The following SHC3 variants were observed in gnomAD, a reference collection of about 807,000 sequenced individuals.
SHC3 encodes SHC-transforming protein 3.
SHC3 carries 15 observed loss-of-function variants against 60.4 expected under a neutral mutation model. That is an observed-to-expected ratio of 0.25 (90% CI 0.17 to 0.38). The LOEUF (loss-of-function observed/expected upper bound fraction) is 0.38, where lower values mean the gene tolerates loss of function less well. SHC3 is among the 10% of genes least tolerant of loss of function. The pLI is 1.00. For synonymous variants in SHC3, 294 were observed against 325.9 expected, an observed-to-expected ratio of 0.90 and a Z score of 1.05; for missense variants, 677 against 786.1, an observed-to-expected ratio of 0.86 and a Z score of 1.66.
intron 2 of SHC3, among the ~76,000 whole-genome samples, chr9:89,079,336 A>C (rs564194478): frequency 2.3e-4 from 35 of 152,342 alleles, no homozygotes; most frequent in African/African-American, 8.2e-4. Flanking sequence ...TTTTATGTTT[A>C]ATTTTTAGAA....
intron 2 of SHC3, among the ~76,000 whole-genome samples, chr9:89,089,593 T>G (rs1825587687): frequency 6.6e-6 from 1 of 152,174 alleles, no homozygotes; most frequent in South Asian, 2.1e-4. Flanking sequence ...GAGTGATCCT[T>G]CCCATTTGGG....
At chr9:89,161,528 C>A (rs1826706203) in intron 1 of SHC3, among the ~76,000 whole-genome samples, 1 of 152,188 alleles carries the variant, frequency 6.6e-6, no homozygotes, top group African/African-American at 2.4e-5. Context: ...AACACCCGTC[C>A]CACAATCCAT....
intron 1 of SHC3, among the ~76,000 whole-genome samples, chr9:89,160,841 GC>G (rs1826693726): frequency 6.6e-6 from 1 of 152,200 alleles, no homozygotes; most frequent in African/African-American, 2.4e-5. Flanking sequence ...TTTTGGGTGG[GC>G]TGTGGCATAC....
At position 89,102,382 on chromosome 9, in the gene SHC3, G is replaced by A. The variant is rs571063457; in HGVS notation, c.545+10174C>T. On this transcript the variant is annotated intron_variant, in intron 2 of 11. Coordinates refer to ENST00000375835, the MANE Select transcript of SHC3 (RefSeq NM_016848.6). ...ACTTATGAAAAAAACAGATGGTAAT[G>A]ACTCTGGATCAAGGAATGAGTCTGT... 1.1e-4 allele frequency among the ~76,000 whole-genome samples: 17 copies of A among 152,200 alleles called. 1 individual carries two copies. In the South Asian group the frequency reaches 3.5e-3, roughly 32 times the overall value.
At chr9:89,124,528 T>A (rs919929668) in intron 1 of SHC3, among the ~76,000 whole-genome samples, 3 of 152,188 alleles carry the variant, frequency 2.0e-5, no homozygotes, top group African/African-American at 7.2e-5. Context: ...TGAGTTTATG[T>A]CCTTTGCATG....
intron 2 of SHC3, 24 bp from the exon 3 acceptor site, chr9:89,077,927 T>C (rs1276375748): frequency 3.7e-5 from 60 of 1,613,844 alleles, no homozygotes; most frequent in Non-Finnish European, 4.8e-5. Flanking sequence ...GAAAAAGCAA[T>C]TTTATTACGT....
Position 89,052,044 on chromosome 9 carries a change from G to A in SHC3, c.955C>T (p.His319Tyr). Residue 319 changes from histidine to tyrosine, a missense_variant, in exon 7 of 12, where the codon CAT becomes TAT. By Grantham distance (83) the His-to-Tyr change is moderately conservative. Transcript: ENST00000375835. ...LQCPTKIPAL[H>Y]DRMQSLDEPW... ...TGTCACAGCACTACTCACCGATCAT[G>A]GAGAGCGGGAATCTTGGTAGGACAC... is the stretch of plus-strand genomic sequence containing the variant. The A allele has an allele frequency of 6.2e-7, 1 of 1,613,800 alleles. No homozygotes were observed. The highest frequency in any genetic ancestry group is 1.1e-5 in the South Asian group (1 of 91,062).
At chr9:89,056,851 G>A (rs983548460) in intron 6 of SHC3, among the ~76,000 whole-genome samples, 1 of 152,290 alleles carries the variant, frequency 6.6e-6, no homozygotes, top group Non-Finnish European at 1.5e-5. Context: ...CAAGCTTTGT[G>A]TGAACAGCGA....
intron 1 of SHC3, among the ~76,000 whole-genome samples, chr9:89,154,955 C>A (rs938424177): frequency 6.6e-6 from 1 of 152,246 alleles, no homozygotes; most frequent in Admixed American, 6.5e-5. Flanking sequence ...GCAGATAAAA[C>A]TAAGCAGCCA....
chr9:89,165,233 TGAAA>T (rs997611573), intron 1 of SHC3, among the ~76,000 whole-genome samples: 6 of 150,828 alleles, frequency 4.0e-5, no homozygotes, highest in African/African-American at 1.2e-4. Flanking sequence ...GAAGAAAAGA[TGAAA>T]GAAAGAAAAG....
chr9:89,100,150 G>C (rs772645380), intron 2 of SHC3, among the ~76,000 whole-genome samples: 1 of 152,154 alleles, frequency 6.6e-6, no homozygotes, highest in African/African-American at 2.4e-5. Flanking sequence ...AGTCCAGTCA[G>C]AAAGAGAAGG....
chr9:89,107,649 G>A (rs1323962469), intron 2 of SHC3, among the ~76,000 whole-genome samples: 1 of 152,166 alleles, frequency 6.6e-6, no homozygotes, highest in Non-Finnish European at 1.5e-5. Flanking sequence ...TTTAGAATAA[G>A]CACATTTAGT....
intron 9 of SHC3, 29 bp from the exon 10 acceptor site, chr9:89,042,213 T>G: frequency 1.3e-6 from 2 of 1,490,788 alleles, no homozygotes; most frequent in East Asian, 4.8e-5. Context: ...CCCCTTTTCT[T>G]TTACGATGGT....
At chr9:89,043,021 C>T (rs967609998) in intron 9 of SHC3, among the ~76,000 whole-genome samples, 3 of 152,140 alleles carry the variant, frequency 2.0e-5, no homozygotes, top group Non-Finnish European at 4.4e-5. Context: ...GTGTGTGCGC[C>T]CTGTCTCCAA....
chr9:89,115,502 C>T (rs1826007347), intron 1 of SHC3, among the ~76,000 whole-genome samples: 1 of 152,286 alleles, frequency 6.6e-6, no homozygotes, highest in African/African-American at 2.4e-5. Flanking sequence ...CATGTGAATA[C>T]CACTGCCACC....
chr9:89,115,395 G>T (rs1826006130), intron 1 of SHC3, among the ~76,000 whole-genome samples: 1 of 152,118 alleles, frequency 6.6e-6, no homozygotes. Flanking sequence ...CAGCAAGGGA[G>T]TTATGGGAAC....
chr9:89,060,620 G>A lies in SHC3; in HGVS notation c.835+4909C>T, dbSNP rs1587704068. On this transcript the variant is annotated intron_variant, in intron 6 of 11. Coordinates refer to ENST00000375835, the MANE Select transcript of SHC3 (RefSeq NM_016848.6). ...GAGGGGATCATAGGAAGTGAGACGG[G>A]ATGGAGTGGGAGTGAGCTCACAGAA... 2.0e-5 allele frequency among the ~76,000 whole-genome samples: 3 copies of A among 152,148 alleles called. No homozygotes were observed. The South Asian group carries it at 6.2e-4, about 32-fold the overall frequency.
chr9:89,178,428 C>A lies in SHC3; in HGVS notation c.33G>T (p.Arg11Ser), dbSNP rs372827568. 1 of 1,516,406 alleles carries A rather than the reference C, an allele frequency of 6.6e-7. No homozygotes were observed. Among genetic ancestry groups the A allele is most frequent in the Admixed American group, 2.0e-5 (1 of 49,500 alleles). The allele number at this position is 1,516,406 out of a possible 1,614,324, so 93.9% of individuals were successfully genotyped here. A position where few individuals can be genotyped will look rare whatever the true frequency, so the allele number is the denominator to read the frequency against. Reference protein sequence around the residue: MLPRTKYNRFRNDSVTSVDDL... With the variant: MLPRTKYNRFSNDSVTSVDDL... Reference sequence around the variant, plus strand: ...CATCGACCGATGTCACCGAGTCATTCCTGAAGCGGTTATACTTGGTGCGTG... The same window carrying A: ...CATCGACCGATGTCACCGAGTCATTACTGAAGCGGTTATACTTGGTGCGTG... Residue 11 changes from arginine (R) to serine (S), a missense_variant, in exon 1 of 12, where the codon AGG becomes AGT. Coordinates refer to ENST00000375835, the MANE Select transcript of SHC3 (RefSeq NM_016848.6). The surrounding 1 kb of genome is among the most constrained non-coding windows in gnomAD (Gnocchi z 6.9).
chr9:89,133,043 G>T (rs1826270256), intron 1 of SHC3, among the ~76,000 whole-genome samples: 1 of 152,002 alleles, frequency 6.6e-6, no homozygotes, highest in East Asian at 1.9e-4. Flanking sequence ...AATCTACAAA[G>T]AACTTAGACA....
Sources: allele counts gnomAD v4.1 joint callset (sites outside exome capture counted in the v4.1 genomes callset), GRCh38; gene constraint gnomAD v4.1.1; non-coding constraint Gnocchi (gnomAD v3.1); transcripts MANE v1.5; gene names NCBI Gene and HGNC (gene_info 2026-07-23, HGNC 2026-07-21).